The following AUTS2 variants were observed in gnomAD, a reference collection of about 807,000 sequenced individuals.
The protein encoded by AUTS2 is activator of transcription and developmental regulator AUTS2, also known as autism susceptibility gene 2 protein.
In AUTS2, 17 loss-of-function variants were observed where a neutral mutation model predicts 112.4. The observed-to-expected ratio is 0.15, with a 90% CI of 0.10 to 0.23. The LOEUF is 0.23. Ranked by LOEUF, AUTS2 falls within the 10% of genes least tolerant of loss-of-function variation. AUTS2 has a pLI of 1.00. For synonymous variants in AUTS2, 751 were observed against 702.7 expected, an observed-to-expected ratio of 1.07 and a Z score of -1.09; for missense variants, 1,510 against 1,701.6, an observed-to-expected ratio of 0.89 and a Z score of 1.98.
chr7:69,946,008 A>AT (rs1026154968), intron 2 of AUTS2, among the ~76,000 whole-genome samples: 2 of 151,814 alleles, frequency 1.3e-5, no homozygotes, highest in Admixed American at 1.3e-4. Flanking sequence ...TGGCTGGCTG[A>AT]TTTTTTATTC....
At chr7:70,095,295 C>T (rs149610268) in intron 2 of AUTS2, among the ~76,000 whole-genome samples, 264 of 152,102 alleles carry the variant, frequency 1.7e-3, no homozygotes, top group Non-Finnish European at 2.8e-3. Flanking sequence ...CTCACGTGTG[C>T]GTGTGCAGTA....
intron 5 of AUTS2, 112 bp from the exon 6 acceptor site, chr7:70,698,457 C>T: frequency 1.1e-6 from 1 of 931,726 alleles, no homozygotes; most frequent in Non-Finnish European, 1.6e-6. Flanking sequence ...TGCTGCTTCC[C>T]TGCTAGGCTT....
At chr7:69,813,127 A>G (rs1264685404) in intron 1 of AUTS2, among the ~76,000 whole-genome samples, 1 of 152,158 alleles carries the variant, frequency 6.6e-6, no homozygotes, top group Non-Finnish European at 1.5e-5. Context: ...CCTTAGATTA[A>G]TCCTCTCTGA....
At chr7:69,980,143 C>G (rs530673245) in intron 2 of AUTS2, among the ~76,000 whole-genome samples, 8 of 152,138 alleles carry the variant, frequency 5.3e-5, no homozygotes, top group Non-Finnish European at 8.8e-5. Flanking sequence ...GTCTCTCACT[C>G]TGTCGCCCAG....
At chr7:69,826,488 C>T in intron 1 of AUTS2, among the ~76,000 whole-genome samples, 1 of 152,134 alleles carries the variant, frequency 6.6e-6, no homozygotes, top group East Asian at 1.9e-4. Flanking sequence ...AGGGTTCTGT[C>T]CTGGCTGTCA....
At chr7:70,562,877 C>T (rs945370113) in intron 5 of AUTS2, among the ~76,000 whole-genome samples, 8 of 152,174 alleles carry the variant, frequency 5.3e-5, no homozygotes, top group African/African-American at 1.4e-4. Flanking sequence ...ATTTTTGGAG[C>T]GGTGTCCAAT....
intron 1 of AUTS2, among the ~76,000 whole-genome samples, chr7:69,633,311 C>T (rs896811113): frequency 6.6e-6 from 1 of 151,534 alleles, no homozygotes; most frequent in African/African-American, 2.4e-5. Flanking sequence ...ACACACACAC[C>T]CACCCACACA....
At chr7:70,541,688 A>G (rs1191475444) in intron 5 of AUTS2, among the ~76,000 whole-genome samples, 1 of 152,130 alleles carries the variant, frequency 6.6e-6, no homozygotes, top group Admixed American at 6.5e-5. Flanking sequence ...TTCCCTCACA[A>G]TTTATTGGGA....
intron 4 of AUTS2, among the ~76,000 whole-genome samples, chr7:70,411,555 G>A (rs1261441146): frequency 6.6e-6 from 1 of 151,984 alleles, no homozygotes. Flanking sequence ...GTTGAAGCTT[G>A]CCTGGTCACA....
chr7:69,985,341 C>T (rs1798466152), intron 2 of AUTS2, among the ~76,000 whole-genome samples: 1 of 151,930 alleles, frequency 6.6e-6, no homozygotes. Context: ...ACTTGGCTGC[C>T]TTCACGGTGC....
intron 1 of AUTS2, among the ~76,000 whole-genome samples, chr7:69,659,904 A>G (rs1795719020): frequency 6.6e-6 from 1 of 152,024 alleles, no homozygotes. Flanking sequence ...TTAGCTTCCC[A>G]TGTTCCCTTA....
In AUTS2 at chr7:70,156,367, G is replaced by A. The variant is rs541531079; in HGVS notation, c.660+21796G>A. Among the ~76,000 whole-genome samples the A allele has an allele frequency of 1.2e-4, 18 of 152,254 alleles. 1 individual carries two copies. Among genetic ancestry groups the A allele is most frequent in the South Asian group, 4.2e-4 (2 of 4,818 alleles). The stretch of plus-strand genomic sequence containing the variant: ...AATTGGAAAGTGAATCTGTAGGGGC[G>A]GCAATGGCTGTATAGAAGAGAGCTT... On this transcript the variant is annotated intron_variant, in intron 4 of 18. Transcript: ENST00000342771.
At chr7:70,425,344 T>C (rs1294332492) in intron 4 of AUTS2, among the ~76,000 whole-genome samples, 1 of 152,240 alleles carries the variant, frequency 6.6e-6, no homozygotes, top group Non-Finnish European at 1.5e-5. Flanking sequence ...TGTAATCTAT[T>C]CATATTCATT....
intron 5 of AUTS2, among the ~76,000 whole-genome samples, chr7:70,558,934 C>T (rs1329848193): frequency 6.6e-6 from 1 of 152,180 alleles, no homozygotes; most frequent in East Asian, 1.9e-4. Flanking sequence ...TCTGATAGGC[C>T]ATGCCATCTG....
At chr7:69,755,037 G>C (rs891540029) in intron 1 of AUTS2, among the ~76,000 whole-genome samples, 1 of 152,138 alleles carries the variant, frequency 6.6e-6, no homozygotes, top group Non-Finnish European at 1.5e-5. Context: ...ATGAGATGAG[G>C]GAGCACAATT....
intron 1 of AUTS2, among the ~76,000 whole-genome samples, chr7:69,841,601 G>A (rs1791982811): frequency 6.6e-6 from 1 of 152,154 alleles, no homozygotes; most frequent in South Asian, 2.1e-4. Flanking sequence ...CCAAAAATGT[G>A]GGTCATTCTC....
intron 6 of AUTS2, among the ~76,000 whole-genome samples, chr7:70,743,468 C>CAAAA (rs35444664): frequency 9.8e-5 from 7 of 71,252 alleles, no homozygotes; most frequent in South Asian, 5.9e-4. Flanking sequence ...GACTCTGTCT[C>CAAAA]AAAAAAAAAA....
chr7:70,344,206 A>G (rs906021769), intron 4 of AUTS2, among the ~76,000 whole-genome samples: 1 of 152,176 alleles, frequency 6.6e-6, no homozygotes, highest in African/African-American at 2.4e-5. Flanking sequence ...GCAAGTAGAT[A>G]AGAATCTGAA....
chr7:69,687,072 T>C (rs1486857086), intron 1 of AUTS2, among the ~76,000 whole-genome samples: 1 of 152,234 alleles, frequency 6.6e-6, no homozygotes, highest in Non-Finnish European at 1.5e-5. Flanking sequence ...ATGTCTTCTT[T>C]AGCAGTGGGG....
Sources: gnomAD v4.1 joint callset for allele counts (sites outside exome capture counted in the v4.1 genomes callset) on GRCh38, gnomAD v4.1.1 for gene constraint, MANE v1.5 for transcripts, NCBI Gene and HGNC (gene_info 2026-07-23, HGNC 2026-07-21) for gene names.